Variants in NR6A1 observed in about 807,000 individuals in gnomAD.
NR6A1 encodes nuclear receptor subfamily 6 group A member 1.
In NR6A1, 7 loss-of-function variants were observed where a neutral mutation model predicts 59.1. The ratio of observed to expected loss-of-function variants is 0.12; its 90% CI spans 0.07 to 0.22. The LOEUF is 0.22. Among genes scored for constraint, NR6A1 ranks in the 10% least tolerant of loss-of-function variants. NR6A1 has a pLI of 1.00. For missense variants in NR6A1, 468 were observed against 611.6 expected, an observed-to-expected ratio of 0.77 and a Z score of 2.48; for synonymous variants, 243 against 236.1, an observed-to-expected ratio of 1.03 and a Z score of -0.27.
intron 2 of NR6A1, among the ~76,000 whole-genome samples, chr9:124,609,861 C>A (rs1239433735): frequency 6.6e-6 from 1 of 152,088 alleles, no homozygotes; most frequent in Non-Finnish European, 1.5e-5. Context: ...ATTTTATTCT[C>A]TTCATAGTAA....
At chr9:124,538,668 T>C (rs565217881) in intron 5 of NR6A1, among the ~76,000 whole-genome samples, 1 of 152,270 alleles carries the variant, frequency 6.6e-6, no homozygotes, top group South Asian at 2.1e-4. Context: ...GTATTTATAT[T>C]ATAATACTGC....
chr9:124,669,060 C>G (rs1412109590), intron 2 of NR6A1, among the ~76,000 whole-genome samples: 1 of 152,126 alleles, frequency 6.6e-6, no homozygotes, highest in Non-Finnish European at 1.5e-5. Flanking sequence ...TCTAACAGGA[C>G]ACAGTATAAT....
At chr9:124,661,718 C>T (rs1028533176) in intron 2 of NR6A1, among the ~76,000 whole-genome samples, 1 of 152,180 alleles carries the variant, frequency 6.6e-6, no homozygotes, top group Non-Finnish European at 1.5e-5. Context: ...ACACAAACAT[C>T]AGTTACTATC....
intron 1 of NR6A1, among the ~76,000 whole-genome samples, chr9:124,748,864 CAAAAA>C (rs533825423): frequency 1.5e-5 from 1 of 66,932 alleles, no homozygotes. Context: ...GACTCTGTCT[CAAAAA>C]AAAAAAAAAA....
rs149931442 is a variant in NR6A1, at chr9:124,552,637, A to C, written c.385+1691T>G. On this transcript the variant is annotated intron_variant, in intron 3 of 9. Transcript: ENST00000487099. ...ACAAATTATAATTTAGTTAACTGTT[A>C]ACTGTCAACATAACCACCCCTAAAC... Among the ~76,000 whole-genome samples, 584 of 152,310 alleles carry C rather than the reference A, an allele frequency of 3.8e-3. 3 individuals are homozygous for C. The highest frequency in any genetic ancestry group is 0.013 in the African/African-American group (548 of 41,564).
intron 2 of NR6A1, among the ~76,000 whole-genome samples, chr9:124,684,644 C>G (rs1295470313): frequency 6.6e-6 from 1 of 152,138 alleles, no homozygotes; most frequent in Non-Finnish European, 1.5e-5. Flanking sequence ...AGAGAGCAGC[C>G]AGGGGTTCCT....
chr9:124,522,809 G>A lies in NR6A1; in HGVS notation c.1355-16C>T, dbSNP rs929009305. On this transcript the variant is annotated splice_polypyrimidine_tract_variant and intron_variant, in intron 9 of 9. Transcript: ENST00000487099. ...ACCATCTTTCCTGGGAACAAGGGGG[G>A]AGAAGAAGAGTTAGCAGTGGTCACT... 6 of 1,564,942 alleles carry A rather than the reference G, an allele frequency of 3.8e-6. No individual in the cohort carries two copies. In the African/African-American group the frequency reaches 4.1e-5, roughly 11 times the overall value.
At chr9:124,753,407 T>G (rs1840558512) in intron 1 of NR6A1, among the ~76,000 whole-genome samples, 1 of 152,218 alleles carries the variant, frequency 6.6e-6, no homozygotes, top group Non-Finnish European at 1.5e-5. Flanking sequence ...AAATAAATGT[T>G]GGGTTGCAGA....
chr9:124,740,597 T>C (rs77072775), intron 1 of NR6A1, among the ~76,000 whole-genome samples: 1,578 of 152,260 alleles, frequency 0.01, 25 homozygotes, highest in African/African-American at 0.036. Context: ...ACCACAACCA[T>C]ATCATGATCA....
At chr9:124,525,422 T>G (rs1044111347) in intron 8 of NR6A1, among the ~76,000 whole-genome samples, 1 of 151,882 alleles carries the variant, frequency 6.6e-6, no homozygotes, top group Non-Finnish European at 1.5e-5. Context: ...TGGAGTGCAG[T>G]GGTGTGATCA....
intron 2 of NR6A1, among the ~76,000 whole-genome samples, chr9:124,668,308 G>C (rs1837689583): frequency 1.3e-5 from 2 of 152,264 alleles, no homozygotes; most frequent in East Asian, 1.9e-4. Flanking sequence ...GGAAGAGAAG[G>C]GGTTGGTCTT....
At chr9:124,651,624 C>T (rs1197556481) in intron 2 of NR6A1, among the ~76,000 whole-genome samples, 1 of 152,118 alleles carries the variant, frequency 6.6e-6, no homozygotes, top group Non-Finnish European at 1.5e-5. Flanking sequence ...CATCTTTGCC[C>T]AGATGATAAA....
chr9:124,654,800 A>G (rs1400071765), intron 2 of NR6A1, among the ~76,000 whole-genome samples: 1 of 151,576 alleles, frequency 6.6e-6, no homozygotes, highest in East Asian at 1.9e-4. Context: ...TTAGAATGTA[A>G]GCTCCATAAA....
Position 124,771,077 on chromosome 9 carries a change from C to T in NR6A1, c.43G>A (p.Gly15Arg), listed in dbSNP as rs1841144286. 8.1e-7 allele frequency: 1 copy of T among 1,230,398 alleles called. No homozygotes were observed. The highest frequency in any genetic ancestry group is 4.2e-5 in the Admixed American group (1 of 23,678). The allele number at this position is 1,230,398 out of a possible 1,614,324, so 76.2% of individuals were successfully genotyped here. ...GGCTCCAGGAACCCCGCCGAGCCCCCGCCGCCTCCCCCTCCGCTAGGCGGC... is the reference window on the plus strand; with the variant it reads ...GGCTCCAGGAACCCCGCCGAGCCCCTGCCGCCTCCCCCTCCGCTAGGCGGC... ...EPPPSGGGGGGGSAGFLEPPA... is the reference protein window; with the variant it reads ...EPPPSGGGGGRGSAGFLEPPA... Residue 15 changes from glycine to arginine, a missense_variant, in exon 1 of 10, where the codon GGG becomes AGG. This residue lies in a region of NR6A1 where 75 missense variants were observed against 65.6 expected (regional missense o/e 1.14). Transcript: ENST00000487099.
At chr9:124,734,309 T>G (rs567877969) in intron 1 of NR6A1, among the ~76,000 whole-genome samples, 1 of 152,274 alleles carries the variant, frequency 6.6e-6, no homozygotes, top group Non-Finnish European at 1.5e-5. Flanking sequence ...TGCCTTGTTT[T>G]ACAGCTTTAA....
intron 2 of NR6A1, chr9:124,598,719 C>A: frequency 1.3e-6 from 1 of 771,276 alleles, no homozygotes. Context: ...TGTTTCTCCT[C>A]AGCATCCTCC....
intron 2 of NR6A1, among the ~76,000 whole-genome samples, chr9:124,632,621 T>C (rs1836480622): frequency 6.6e-6 from 1 of 152,200 alleles, no homozygotes. Flanking sequence ...ATGCCAAGAT[T>C]TGTAAGGTTC....
rs960083659 is a variant in NR6A1 at position 124,595,613 on chromosome 9, T to C, written c.143-41043A>G. 1.7e-5 allele frequency: 7 copies of C among 415,646 alleles called. No individual in the cohort carries two copies. In the East Asian group the frequency reaches 2.8e-4, roughly 17 times the overall value. The allele number at this position is 415,646 out of a possible 1,614,324, so 25.7% of individuals were successfully genotyped here. On this transcript the variant is annotated intron_variant, in intron 2 of 9. Coordinates refer to ENST00000487099, the MANE Select transcript of NR6A1 (RefSeq NM_033334.4). Reference sequence around the variant, plus strand: ...AGCCACTTGCTACATACATGAAAACTTTCTAGCTGAACTCTGCGAAGACAC... The same window carrying C: ...AGCCACTTGCTACATACATGAAAACCTTCTAGCTGAACTCTGCGAAGACAC...
chr9:124,651,864 C>T (rs1405549713), intron 2 of NR6A1, among the ~76,000 whole-genome samples: 1 of 152,200 alleles, frequency 6.6e-6, no homozygotes, highest in African/African-American at 2.4e-5. Context: ...CCTACCCACA[C>T]AATTTGATCC....
Sources: gnomAD v4.1 joint callset for allele counts (sites outside exome capture counted in the v4.1 genomes callset) on GRCh38, gnomAD v4.1.1 for gene constraint, gnomAD v4.1.1 regional missense constraint, MANE v1.5 for transcripts, NCBI Gene and HGNC (gene_info 2026-07-23, HGNC 2026-07-21) for gene names.